The following DNAJC21 variants were observed in gnomAD, a reference collection of about 807,000 sequenced individuals.
DNAJC21 encodes DnaJ heat shock protein family (Hsp40) member C21, also known as dnaJ homolog subfamily C member 21.
DNAJC21 carries 63 observed loss-of-function variants against 72.4 expected under a neutral mutation model. The ratio of observed to expected loss-of-function variants is 0.87; its 90% confidence interval spans 0.71 to 1.07. The LOEUF is 1.07. Ranked by LOEUF, DNAJC21 falls within the 50% of genes least tolerant of loss-of-function variation. The pLI, the probability that DNAJC21 is intolerant of heterozygous loss-of-function variation, is 0.00. For missense variants in DNAJC21, 634 were observed against 644.8 expected (o/e 0.98, Z 0.18); for synonymous variants, 203 against 216.7 (o/e 0.94, Z 0.56).
rs931553070 is a variant in DNAJC21 at position 34,957,897 on chromosome 5, A to G, written c.*3183A>G. On this transcript the variant is annotated 3_prime_UTR_variant, in exon 12 of 12. Coordinates refer to ENST00000648817, the MANE Select transcript of DNAJC21 (RefSeq NM_001012339.3). Reference sequence around the variant, plus strand: ...TGTTCCCTATAATCTGCAATGCTGAAGTATCTCTATTCAATTCCCTTCCTT... The same window carrying G: ...TGTTCCCTATAATCTGCAATGCTGAGGTATCTCTATTCAATTCCCTTCCTT... 1 of 152,262 alleles carries G rather than the reference A, an allele frequency of 6.6e-6. No individual in the cohort carries two copies. Among genetic ancestry groups the G allele is most frequent in the Non-Finnish European group, 1.5e-5 (1 of 68,040 alleles). The allele number at this position is 152,262 out of a possible 1,614,324, so 9.4% of individuals were successfully genotyped here. A position where few individuals can be genotyped will look rare whatever the true frequency, so the allele number is the denominator to read the frequency against.
chr5:34,934,505 A>G (rs1246625533), intron 2 of DNAJC21, among the ~76,000 whole-genome samples: 1 of 152,048 alleles, frequency 6.6e-6, no homozygotes, highest in African/African-American at 2.4e-5. Context: ...TGCTAGGATT[A>G]CAAGTATGAG....
At chr5:34,948,548 T>G (rs1765246623) in intron 9 of DNAJC21, among the ~76,000 whole-genome samples, 1 of 152,098 alleles carries the variant, frequency 6.6e-6, no homozygotes, top group Non-Finnish European at 1.5e-5. Context: ...AAAAAGAAAT[T>G]TATGTATCTA....
At chr5:34,948,426 A>G (rs975017890) in intron 9 of DNAJC21, among the ~76,000 whole-genome samples, 3 of 152,198 alleles carry the variant, frequency 2.0e-5, no homozygotes, top group Non-Finnish European at 4.4e-5. Flanking sequence ...TCAAAAACTG[A>G]TGGGGATACG....
chr5:34,950,143 T>C (rs76386425), intron 9 of DNAJC21, 27 bp from the exon 10 acceptor site: 2 of 1,571,198 alleles, frequency 1.3e-6, no homozygotes, highest in African/African-American at 1.4e-5. Flanking sequence ...ATTTATTTTG[T>C]AACGGCACAT....
At chr5:34,931,603 T>A (rs1242461932) in intron 1 of DNAJC21, among the ~76,000 whole-genome samples, 2 of 152,186 alleles carry the variant, frequency 1.3e-5, no homozygotes, top group Admixed American at 1.3e-4. Context: ...TCTTGTAATC[T>A]TGAATATTAG....
chr5:34,945,521 G>T (rs1354485881), intron 8 of DNAJC21, among the ~76,000 whole-genome samples: 1 of 152,140 alleles, frequency 6.6e-6, no homozygotes, highest in Non-Finnish European at 1.5e-5. Flanking sequence ...TATATTAAAA[G>T]CAGTTTTTAT....
chr5:34,937,297 A>C, intron 4 of DNAJC21, 29 bp from the exon 5 acceptor site: 1 of 1,564,360 alleles, frequency 6.4e-7, no homozygotes, highest in Non-Finnish European at 8.6e-7. Flanking sequence ...CTTAAAGCGC[A>C]GAAGTTAATC....
chr5:34,936,313 C>A, intron 4 of DNAJC21, 47 bp downstream of exon 4: 1 of 1,585,678 alleles, frequency 6.3e-7, no homozygotes. Context: ...ATCACTGTGT[C>A]ATTTTTAAAT....
rs1053418698 is a variant in DNAJC21 at position 34,952,406 on chromosome 5, A to G, written c.1359-1520A>G. On this transcript the variant is annotated intron_variant, in intron 10 of 11. Coordinates refer to ENST00000648817, the MANE Select transcript of DNAJC21 (RefSeq NM_001012339.3). ...CTCCTAATCTGCATTTTTTAAATGC[A>G]TAGGCCGTTTAACTTAGCACAGACT... 4 of 297,606 alleles carry G rather than the reference A, an allele frequency of 1.3e-5. No homozygotes were observed. The South Asian group carries it at 3.9e-4, about 29-fold the overall frequency. The allele number at this position is 297,606 out of a possible 1,614,324, so 18.4% of individuals were successfully genotyped here.
At chr5:34,938,094 G>A (rs1160960333) in intron 5 of DNAJC21, among the ~76,000 whole-genome samples, 1 of 152,148 alleles carries the variant, frequency 6.6e-6, no homozygotes, top group Non-Finnish European at 1.5e-5. Flanking sequence ...CACAGTGCCT[G>A]GCCTAAAATT....
chr5:34,930,533 C>T (rs1447817571), intron 1 of DNAJC21, among the ~76,000 whole-genome samples: 2 of 151,978 alleles, frequency 1.3e-5, no homozygotes, highest in Non-Finnish European at 2.9e-5. Context: ...TTTAATCAGG[C>T]GGCTTCCCCA....
In DNAJC21 at chr5:34,937,466, C is replaced by T. The variant is rs368635546; in HGVS notation, c.579C>T (p.Asp193=). The T allele has an allele frequency of 1.2e-5, 20 of 1,613,962 alleles. No homozygotes were observed. The highest frequency in any genetic ancestry group is 1.7e-5 in the Non-Finnish European group (20 of 1,179,998). ...AAAAAGAAAACAAAAAGATTCGGGACAAAGCAAGGAAAGAGAAGAATGAGC... is the reference window on the plus strand; with the variant it reads ...AAAAAGAAAACAAAAAGATTCGGGATAAAGCAAGGAAAGAGAAGAATGAGC... ...AMEKENKKIR[D]KARKEKNELV... Residue 193 remains aspartate (D), a synonymous_variant, in exon 5 of 12, where the codon GAC becomes GAT. Transcript: ENST00000648817.
intron 6 of DNAJC21, 62 bp downstream of exon 6, chr5:34,939,071 G>C: frequency 7.1e-7 from 1 of 1,406,348 alleles, no homozygotes; most frequent in Non-Finnish European, 9.4e-7. Context: ...AAATCTCCTT[G>C]CTTATTTGAC....
At chr5:34,943,729 C>T (rs555475234) in intron 7 of DNAJC21, among the ~76,000 whole-genome samples, 1 of 152,218 alleles carries the variant, frequency 6.6e-6, no homozygotes, top group Non-Finnish European at 1.5e-5. Flanking sequence ...CCAGTACCCC[C>T]TCAAGTTTTT....
chr5:34,958,571 T>G lies in DNAJC21; in HGVS notation c.*3857T>G, dbSNP rs1359673912. The G allele has an allele frequency of 6.6e-6, 1 of 152,216 alleles. No individual in the cohort carries two copies. Among genetic ancestry groups the G allele is most frequent in the Non-Finnish European group, 1.5e-5 (1 of 68,032 alleles). The allele number at this position is 152,216 out of a possible 1,614,324, so 9.4% of individuals were successfully genotyped here. ...AAATGATGCATAAAAACATGGCTTC[T>G]GTAGAACAATAGAGACTGTAAAAGA... On this transcript the variant is annotated 3_prime_UTR_variant, in exon 12 of 12. Transcript: ENST00000648817.
intron 9 of DNAJC21, 22 bp from the exon 10 acceptor site, chr5:34,950,148 G>T (rs1374800149): frequency 6.3e-7 from 1 of 1,580,874 alleles, no homozygotes; most frequent in African/African-American, 1.4e-5. Flanking sequence ...TTTTGTAACG[G>T]CACATATGTT....
At position 34,957,890 on chromosome 5, in the gene DNAJC21, A is replaced by G. The variant is rs368456384; in HGVS notation, c.*3176A>G. 5 of 152,358 alleles carry G rather than the reference A, an allele frequency of 3.3e-5. 1 individual carries two copies. The highest frequency in any genetic ancestry group is 1.2e-4 in the African/African-American group (5 of 41,586). 9.4% of individuals were successfully genotyped at this position (152,358 alleles called of 1,614,324 possible). On this transcript the variant is annotated 3_prime_UTR_variant, in exon 12 of 12. Coordinates refer to ENST00000648817, the MANE Select transcript of DNAJC21 (RefSeq NM_001012339.3). The stretch of plus-strand genomic sequence containing the variant: ...GAAGTTCTGTTCCCTATAATCTGCA[A>G]TGCTGAAGTATCTCTATTCAATTCC...
intron 9 of DNAJC21, among the ~76,000 whole-genome samples, chr5:34,946,767 C>T (rs932157145): frequency 3.1e-4 from 47 of 152,244 alleles, no homozygotes; most frequent in African/African-American, 1.1e-3. Context: ...AGTACCATTA[C>T]AGTAAGGACA....
At chr5:34,943,102 T>C (rs373840377) in intron 7 of DNAJC21, among the ~76,000 whole-genome samples, 1 of 152,182 alleles carries the variant, frequency 6.6e-6, no homozygotes, top group African/African-American at 2.4e-5. Context: ...TATTCTCTTA[T>C]GTAACCATGC....
Sources: allele counts gnomAD v4.1 joint callset (sites outside exome capture counted in the v4.1 genomes callset), GRCh38; gene constraint gnomAD v4.1.1; transcripts MANE v1.5; gene names NCBI Gene and HGNC (gene_info 2026-07-23, HGNC 2026-07-21).